Variants in TTLL7 observed in about 807,000 individuals in gnomAD.
TTLL7 encodes the protein tubulin tyrosine ligase like 7.
Under a neutral mutation model 120.2 loss-of-function variants are expected in TTLL7, and 53 were observed. The observed-to-expected ratio is 0.44, with a 90% CI of 0.35 to 0.55. TTLL7 has a LOEUF of 0.55. Among genes scored for constraint, TTLL7 ranks in the 20% least tolerant of loss-of-function variants. TTLL7 has a pLI of 0.00. For synonymous variants in TTLL7, 353 were observed against 351.7 expected, an observed-to-expected ratio of 1.00 and a Z score of -0.04; for missense variants, 803 against 1,054.7, an observed-to-expected ratio of 0.76 and a Z score of 3.31.
chr1:83,969,078 A>G (rs1486482469), intron 1 of TTLL7, among the ~76,000 whole-genome samples: 2 of 152,126 alleles, frequency 1.3e-5, no homozygotes, highest in East Asian at 3.9e-4. Context: ...CTCAAACATG[A>G]TATTATTAGC....
chr1:83,881,918 A>G (rs1362019387), intron 20 of TTLL7, among the ~76,000 whole-genome samples: 5 of 151,050 alleles, frequency 3.3e-5, no homozygotes, highest in African/African-American at 4.9e-5. Flanking sequence ...ATAAAAAAGG[A>G]TGAGTTCATG....
chr1:83,867,682 T>C lies in TTLL7; in HGVS notation c.*2280A>G, dbSNP rs1230655115. On this transcript the variant is annotated 3_prime_UTR_variant, in exon 21 of 21. Coordinates refer to ENST00000260505, the MANE Select transcript of TTLL7 (RefSeq NM_024686.6). ...TTAAGTAATTATTTGTGATTTAAGA[T>C]AATGCAAATGAGTGGCCGAGAAACT... is the stretch of plus-strand genomic sequence containing the variant. 2.0e-5 allele frequency: 3 copies of C among 152,038 alleles called. No individual in the cohort carries two copies. Among genetic ancestry groups the C allele is most frequent in the Non-Finnish European group, 2.9e-5 (2 of 67,940 alleles). The allele number at this position is 152,038 out of a possible 1,614,324, so 9.4% of individuals were successfully genotyped here. A position where few individuals can be genotyped will look rare whatever the true frequency, so the allele number is the denominator to read the frequency against.
intron 18 of TTLL7, among the ~76,000 whole-genome samples, chr1:83,895,638 G>A (rs74762759): frequency 0.041 from 6,289 of 152,086 alleles, 156 homozygotes; most frequent in Middle Eastern, 0.099. Context: ...TTTTTTGGTC[G>A]TGAAAACATT....
chr1:83,992,094 T>C (rs1185329858), intron 1 of TTLL7, among the ~76,000 whole-genome samples: 2 of 152,190 alleles, frequency 1.3e-5, no homozygotes, highest in Non-Finnish European at 2.9e-5. Context: ...TATTCTGAAA[T>C]GTCAACCCCA....
At chr1:83,881,935 G>C (rs1374440973) in intron 20 of TTLL7, among the ~76,000 whole-genome samples, 2 of 151,086 alleles carry the variant, frequency 1.3e-5, no homozygotes, top group Admixed American at 6.6e-5. Flanking sequence ...CATGTCCTTT[G>C]TAGGGACATG....
intron 7 of TTLL7, among the ~76,000 whole-genome samples, chr1:83,940,009 A>T (rs1647794552): frequency 6.6e-6 from 1 of 152,110 alleles, no homozygotes; most frequent in Non-Finnish European, 1.5e-5. Flanking sequence ...TCAACCTAGA[A>T]ATTCAATCAT....
In TTLL7 at chr1:83,942,682, A is replaced by G; in HGVS notation, c.507-3T>C. ...CACCATTTCTTATCAAAGAAATCCT[A>G]TGTTTAAAGAAAAAAATTAAAAGAA... On this transcript the variant is annotated splice_region_variant and splice_polypyrimidine_tract_variant and intron_variant, in intron 6 of 20. Coordinates refer to ENST00000260505, the MANE Select transcript of TTLL7 (RefSeq NM_024686.6). 2 of 1,594,888 alleles carry G rather than the reference A, an allele frequency of 1.3e-6. No individual in the cohort carries two copies. The highest frequency in any genetic ancestry group is 1.7e-6 in the Non-Finnish European group (2 of 1,167,772).
At chr1:83,978,191 G>A (rs1237508854) in intron 1 of TTLL7, among the ~76,000 whole-genome samples, 1 of 152,168 alleles carries the variant, frequency 6.6e-6, no homozygotes, top group Admixed American at 6.5e-5. Context: ...TAAGGCAGCT[G>A]CTGAGGTAGA....
At chr1:83,964,020 G>T (rs1383296406) in intron 1 of TTLL7, among the ~76,000 whole-genome samples, 1 of 152,040 alleles carries the variant, frequency 6.6e-6, no homozygotes, top group Non-Finnish European at 1.5e-5. Flanking sequence ...AGGAGGGAAG[G>T]AATAATAAGG....
At chr1:83,926,274 G>A (rs1280550042) in intron 10 of TTLL7, among the ~76,000 whole-genome samples, 1 of 152,052 alleles carries the variant, frequency 6.6e-6, no homozygotes, top group African/African-American at 2.4e-5. Flanking sequence ...GAATTTAAGT[G>A]TTAACAGAAC....
Position 83,869,946 on chromosome 1 carries a change from G to T in TTLL7, c.*16C>A. 2 of 1,593,522 alleles carry T rather than the reference G, an allele frequency of 1.3e-6. No individual in the cohort carries two copies. Among genetic ancestry groups the T allele is most frequent in the Non-Finnish European group, 8.5e-7 (1 of 1,174,058 alleles). On this transcript the variant is annotated 3_prime_UTR_variant, in exon 21 of 21. Coordinates refer to ENST00000260505, the MANE Select transcript of TTLL7 (RefSeq NM_024686.6). ...ATTGCTGTTATGTATAACCAATGGC[G>T]ATCTTCCCTTCTGTTTCACAGATGG...
At chr1:83,884,030 G>T (rs776312511) in intron 19 of TTLL7, among the ~76,000 whole-genome samples, 28 of 151,740 alleles carry the variant, frequency 1.8e-4, no homozygotes, top group Non-Finnish European at 2.8e-4. Flanking sequence ...ATTTTGTGTG[G>T]GGGGTGTGTG....
chr1:83,887,327 A>G (rs1199986111), intron 19 of TTLL7: 2 of 829,316 alleles, frequency 2.4e-6, no homozygotes, highest in African/African-American at 3.6e-5. Flanking sequence ...CATTCCTTAA[A>G]AACTGAGAAG....
intron 18 of TTLL7, among the ~76,000 whole-genome samples, chr1:83,901,323 T>G (rs1294785493): frequency 6.6e-6 from 1 of 152,042 alleles, no homozygotes; most frequent in Non-Finnish European, 1.5e-5. Context: ...GCTGCAATTA[T>G]ATGAAGTTTG....
At chr1:83,924,420 T>C (rs1459570917) in intron 10 of TTLL7, among the ~76,000 whole-genome samples, 2 of 152,136 alleles carry the variant, frequency 1.3e-5, no homozygotes, top group Admixed American at 6.6e-5. Flanking sequence ...TGATGCAACA[T>C]TGAAGAACTT....
chr1:83,967,634 C>T (rs1650591010), intron 1 of TTLL7, among the ~76,000 whole-genome samples: 1 of 151,954 alleles, frequency 6.6e-6, no homozygotes, highest in South Asian at 2.1e-4. Flanking sequence ...CAATTATTAA[C>T]CTGAAAAAAG....
Position 83,896,879 on chromosome 1 carries a change from C to T in TTLL7, c.2209-6398G>A, listed in dbSNP as rs1175101892. Among the ~76,000 whole-genome samples the T allele has an allele frequency of 2.6e-5, 4 of 152,182 alleles. No homozygotes were observed. The East Asian group carries it at 7.8e-4, about 30-fold the overall frequency. ...CATTCTTTGCAGCCCACCAACATGA[C>T]TATATTTTCATACTTCATATATATT... On this transcript the variant is annotated intron_variant, in intron 18 of 20. Transcript: ENST00000260505.
At chr1:83,932,003 G>C (rs1659641899) in intron 9 of TTLL7, among the ~76,000 whole-genome samples, 1 of 152,170 alleles carries the variant, frequency 6.6e-6, no homozygotes, top group South Asian at 2.1e-4. Context: ...ATTGTGGAGT[G>C]TTTTAATGGT....
chr1:83,896,928 T>A (rs1656273955), intron 18 of TTLL7, among the ~76,000 whole-genome samples: 1 of 152,086 alleles, frequency 6.6e-6, no homozygotes, highest in Non-Finnish European at 1.5e-5. Flanking sequence ...ATAAAGCAAC[T>A]GCATTCTTGG....
Sources: allele counts gnomAD v4.1 joint callset (sites outside exome capture counted in the v4.1 genomes callset), GRCh38; gene constraint gnomAD v4.1.1; transcripts MANE v1.5; gene names NCBI Gene and HGNC (gene_info 2026-07-23, HGNC 2026-07-21).